DLGAP2: variants seen among roughly 807,000 people sequenced by gnomAD.
DLGAP2 encodes DLG associated protein 2.
Under a neutral mutation model 100.3 loss-of-function variants are expected in DLGAP2, and 26 were observed. That is an observed-to-expected ratio of 0.26 (90% confidence interval 0.19 to 0.36). DLGAP2 has a LOEUF of 0.36. Ranked by LOEUF, DLGAP2 falls within the 10% of genes least tolerant of loss-of-function variation. The probability of loss-of-function intolerance (pLI) is 1.00; values close to 1 mark genes in which losing one functional copy is unlikely to be tolerated. For missense variants in DLGAP2, 1,858 were observed against 1,453.2 expected, an observed-to-expected ratio of 1.28 and a Z score of -4.53; for synonymous variants, 886 against 630.1, an observed-to-expected ratio of 1.41 and a Z score of -6.08.
chr8:1,285,571 T>C (rs899779019), intron 3 of DLGAP2, among the ~76,000 whole-genome samples: 2 of 152,220 alleles, frequency 1.3e-5, no homozygotes, highest in African/African-American at 4.8e-5. Context: ...AAGACACACC[T>C]GTCTGTGGAA....
chr8:1,700,887 T>C (rs943116166), intron 14 of DLGAP2, among the ~76,000 whole-genome samples: 1 of 152,210 alleles, frequency 6.6e-6, no homozygotes, highest in African/African-American at 2.4e-5. Context: ...ACTAGCGCAG[T>C]GACTGCAGAG....
chr8:1,594,474 A>C (rs1380880973), intron 6 of DLGAP2, among the ~76,000 whole-genome samples: 1 of 152,164 alleles, frequency 6.6e-6, no homozygotes, highest in East Asian at 1.9e-4. Flanking sequence ...AGATTCAACA[A>C]CAGACCAGAT....
At chr8:1,189,149 G>C (rs138504014) in intron 2 of DLGAP2, among the ~76,000 whole-genome samples, 2 of 136,996 alleles carry the variant, frequency 1.5e-5, no homozygotes, top group African/African-American at 6.7e-5. Flanking sequence ...TTGGGGTTGA[G>C]CATACACAGG....
intron 6 of DLGAP2, among the ~76,000 whole-genome samples, chr8:1,579,331 G>GTA (rs1422196864): frequency 3.3e-5 from 5 of 152,060 alleles, no homozygotes; most frequent in South Asian, 2.1e-4. Context: ...ATATATGTGT[G>GTA]TATATATATA....
At chr8:1,507,208 G>T (rs539212247) in intron 4 of DLGAP2, among the ~76,000 whole-genome samples, 1 of 152,222 alleles carries the variant, frequency 6.6e-6, no homozygotes, top group African/African-American at 2.4e-5. Context: ...GGAGCAGGGG[G>T]CAGCGTCCAT....
chr8:996,042 C>G (rs1800774558), intron 2 of DLGAP2, among the ~76,000 whole-genome samples: 1 of 152,184 alleles, frequency 6.6e-6, no homozygotes, highest in Non-Finnish European at 1.5e-5. Flanking sequence ...AGTTACTTAT[C>G]TGGAATTAGA....
chr8:1,233,515 G>C (rs527283074), intron 2 of DLGAP2, among the ~76,000 whole-genome samples: 1 of 152,346 alleles, frequency 6.6e-6, no homozygotes, highest in South Asian at 2.1e-4. Flanking sequence ...GCAGACCGCA[G>C]CTGGAGCCCT....
In DLGAP2 at chr8:1,707,963, T is replaced by C. The variant is rs1407313621; in HGVS notation, c.*6557T>C. Reference sequence around the variant, plus strand: ...TAGCATGCAGGATACCTAATCTGAATGTGCAATATGCTATTCATCACCACG... The same window carrying C: ...TAGCATGCAGGATACCTAATCTGAACGTGCAATATGCTATTCATCACCACG... On this transcript the variant is annotated 3_prime_UTR_variant, in exon 15 of 15. Transcript: ENST00000637795. 3.3e-5 allele frequency: 5 copies of C among 152,682 alleles called. No homozygotes were observed. The highest frequency in any genetic ancestry group is 3.3e-4 in the Admixed American group (5 of 15,282). 9.5% of individuals were successfully genotyped at this position (152,682 alleles called of 1,614,324 possible).
At chr8:1,024,698 C>T (rs1212092708) in intron 2 of DLGAP2, among the ~76,000 whole-genome samples, 1 of 152,158 alleles carries the variant, frequency 6.6e-6, no homozygotes, top group African/African-American at 2.4e-5. Flanking sequence ...TCTCTCTGCT[C>T]GTGAAGAACT....
chr8:1,559,599 A>G (rs541048072), intron 5 of DLGAP2, among the ~76,000 whole-genome samples: 1 of 152,348 alleles, frequency 6.6e-6, no homozygotes, highest in South Asian at 2.1e-4. Context: ...TTGTTAGTTA[A>G]TTTGCAGGCT....
chr8:930,824 A>T (rs1462770734), intron 2 of DLGAP2, among the ~76,000 whole-genome samples: 1 of 152,226 alleles, frequency 6.6e-6, no homozygotes, highest in Non-Finnish European at 1.5e-5. Flanking sequence ...CAGGGAACTC[A>T]GATTTACATC....
chr8:960,027 G>A (rs549157966), intron 2 of DLGAP2, among the ~76,000 whole-genome samples: 1 of 152,020 alleles, frequency 6.6e-6, no homozygotes, highest in Non-Finnish European at 1.5e-5. Context: ...TATCCTCTCT[G>A]TTAGAAAGTA....
chr8:1,068,768 C>T (rs1381849195), intron 2 of DLGAP2, among the ~76,000 whole-genome samples: 2 of 149,350 alleles, frequency 1.3e-5, no homozygotes, highest in Admixed American at 6.6e-5. Context: ...GGTCATGGGC[C>T]CCTCCCCAAG....
intron 1 of DLGAP2, among the ~76,000 whole-genome samples, chr8:755,927 G>A (rs1315448946): frequency 1.3e-5 from 2 of 152,192 alleles, no homozygotes; most frequent in East Asian, 3.8e-4. Context: ...GGATAATGCT[G>A]GGGTGTGCCC....
At chr8:1,382,248 G>C (rs569971490) in intron 3 of DLGAP2, among the ~76,000 whole-genome samples, 2 of 152,312 alleles carry the variant, frequency 1.3e-5, no homozygotes, top group South Asian at 2.1e-4. Flanking sequence ...TACATGTACT[G>C]TTTATTAAAT....
chr8:903,651 CTTGGTGAA>C, intron 1 of DLGAP2, among the ~76,000 whole-genome samples: 1 of 152,092 alleles, frequency 6.6e-6, no homozygotes, highest in South Asian at 2.1e-4. Flanking sequence ...AGCTTAGTGA[CTTGGTGAA>C]TGGCACGGCC....
rs1437441755 is a variant in DLGAP2 at position 1,216,327 on chromosome 8, C to G, written c.74-42524C>G. Among the ~76,000 whole-genome samples the G allele has an allele frequency of 2.6e-5, 4 of 152,188 alleles. No homozygotes were observed. The East Asian group carries it at 7.7e-4, about 29-fold the overall frequency. ...TGATATCCAGGAAGGCATGTCCGTA[C>G]TTCAGGGACTCAGGCTCTGTCCTAA... On this transcript the variant is annotated intron_variant, in intron 2 of 14. Transcript: ENST00000637795.
At chr8:1,501,221 G>A (rs1799711124) in intron 3 of DLGAP2, 145 bp from the exon 4 acceptor site, 3 of 821,690 alleles carry the variant, frequency 3.7e-6, no homozygotes, top group Admixed American at 4.7e-5. Flanking sequence ...AAAATGCTGG[G>A]CTCTGAGCGG....
intron 3 of DLGAP2, among the ~76,000 whole-genome samples, chr8:1,474,242 A>G (rs1464406864): frequency 6.6e-6 from 1 of 152,154 alleles, no homozygotes; most frequent in African/African-American, 2.4e-5. Flanking sequence ...TTTGTATTCC[A>G]TGGTATATGT....
Sources: gnomAD v4.1 joint callset for allele counts (sites outside exome capture counted in the v4.1 genomes callset) on GRCh38, gnomAD v4.1.1 for gene constraint, MANE v1.5 for transcripts, NCBI Gene and HGNC (gene_info 2026-07-23, HGNC 2026-07-21) for gene names.